DPF3: variants seen among roughly 807,000 people sequenced by gnomAD.
DPF3 encodes the protein double PHD fingers 3, also known as zinc finger protein DPF3.
A neutral mutation model predicts 56.8 loss-of-function variants in DPF3; 18 were observed. The observed-to-expected ratio is 0.32, with a 90% CI of 0.22 to 0.47. The LOEUF (loss-of-function observed/expected upper bound fraction) is 0.47. DPF3 is among the 20% of genes least tolerant of loss of function. DPF3 has a pLI of 1.00. For missense variants in DPF3, 403 were observed against 488.8 expected (o/e 0.82, Z 1.65); for synonymous variants, 188 against 180.2 (o/e 1.04, Z -0.35).
At chr14:72,756,893 G>GA (rs1167195941) in intron 2 of DPF3, among the ~76,000 whole-genome samples, 4 of 95,650 alleles carry the variant, frequency 4.2e-5, no homozygotes, top group African/African-American at 1.1e-4. Flanking sequence ...AGGAAAGAAA[G>GA]AAAGAAAAGA....
intron 6 of DPF3, among the ~76,000 whole-genome samples, chr14:72,698,068 C>A (rs1887985955): frequency 6.6e-6 from 1 of 152,224 alleles, no homozygotes; most frequent in Non-Finnish European, 1.5e-5. Flanking sequence ...AATCATCCCT[C>A]TGATCTCAGT....
At chr14:72,683,616 T>G (rs1887266249) in intron 7 of DPF3, among the ~76,000 whole-genome samples, 2 of 152,132 alleles carry the variant, frequency 1.3e-5, no homozygotes, top group South Asian at 4.1e-4. Context: ...CACACGTTAG[T>G]CAGTGGCTCA....
At chr14:72,837,432 T>G (rs1167161840) in intron 1 of DPF3, among the ~76,000 whole-genome samples, 2 of 152,036 alleles carry the variant, frequency 1.3e-5, no homozygotes, top group African/African-American at 4.8e-5. Context: ...GTCCCAGCCC[T>G]TAAAGAACTA....
chr14:72,679,019 C>T (rs1887037041), intron 7 of DPF3, among the ~76,000 whole-genome samples: 1 of 152,162 alleles, frequency 6.6e-6, no homozygotes, highest in South Asian at 2.1e-4. Context: ...TTCACACAGC[C>T]CCATCACCAC....
chr14:72,828,661 G>C (rs1000302260), intron 1 of DPF3, among the ~76,000 whole-genome samples: 2 of 152,110 alleles, frequency 1.3e-5, no homozygotes, highest in Non-Finnish European at 2.9e-5. Context: ...CAGACCATGG[G>C]GTGAGGAGCA....
chr14:72,856,922 G>A (rs1160820468), intron 1 of DPF3, among the ~76,000 whole-genome samples: 2 of 152,284 alleles, frequency 1.3e-5, no homozygotes, highest in South Asian at 2.1e-4. Flanking sequence ...GGAGTTCACC[G>A]GGAAGTGCCA....
In DPF3 at chr14:72,726,846, TA is replaced by T. The variant is rs372049397; in HGVS notation, c.430-3119del. On this transcript the variant is annotated intron_variant, in intron 4 of 10. Transcript: ENST00000556509. ...GATAACAGCGGTTTGTGGTTGTGTT[TA>T]AAAAAAAAAAATCCTTTTTAAAGAC... Among the ~76,000 whole-genome samples, 481 of 147,660 alleles carry T rather than the reference TA, an allele frequency of 3.3e-3. 2 individuals carry two copies. Among genetic ancestry groups the T allele is most frequent in the African/African-American group, 9.7e-3 (392 of 40,580 alleles).
chr14:72,814,925 A>C (rs1435749306), intron 1 of DPF3, among the ~76,000 whole-genome samples: 1 of 152,218 alleles, frequency 6.6e-6, no homozygotes, highest in Non-Finnish European at 1.5e-5. Context: ...GGTTAAGCAA[A>C]AATTTTCTTA....
intron 6 of DPF3, among the ~76,000 whole-genome samples, chr14:72,697,066 CAGT>C: frequency 3.3e-5 from 1 of 29,920 alleles, no homozygotes; most frequent in African/African-American, 1.7e-4. Context: ...CAGTTATTAG[CAGT>C]TATTAGCAGA....
intron 8 of DPF3, among the ~76,000 whole-genome samples, chr14:72,631,441 G>A (rs538700849): frequency 3.3e-5 from 5 of 152,318 alleles, no homozygotes; most frequent in African/African-American, 1.2e-4. Flanking sequence ...GTCTCTCAGA[G>A]AGAACACTGG....
At chr14:72,791,575 C>T (rs746466290) in intron 1 of DPF3, among the ~76,000 whole-genome samples, 3 of 152,176 alleles carry the variant, frequency 2.0e-5, no homozygotes, top group Admixed American at 6.5e-5. Flanking sequence ...TCCCCCTGTG[C>T]GGGGTGTTAA....
chr14:72,820,761 A>C (rs1174832592), intron 1 of DPF3, among the ~76,000 whole-genome samples: 2 of 152,072 alleles, frequency 1.3e-5, no homozygotes, highest in African/African-American at 4.8e-5. Context: ...TTGGGAGGTC[A>C]AGCTGGGAGG....
intron 3 of DPF3, among the ~76,000 whole-genome samples, chr14:72,743,234 G>A (rs1333250260): frequency 2.0e-5 from 3 of 152,184 alleles, no homozygotes; most frequent in African/African-American, 7.2e-5. Flanking sequence ...GGAGCAGAAG[G>A]GATCGACAAG....
intron 1 of DPF3, among the ~76,000 whole-genome samples, chr14:72,861,721 G>GAGAGAAAGAAAGAA (rs1384187829): frequency 2.8e-5 from 1 of 35,792 alleles, no homozygotes; most frequent in African/African-American, 1.5e-4. Flanking sequence ...AGAAGAAAGA[G>GAGAGAAAGAAAGAA]AGAGAAAGAA....
chr14:72,671,414 A>G, intron 8 of DPF3: 1 of 1,570,658 alleles, frequency 6.4e-7, no homozygotes, highest in Non-Finnish European at 8.8e-7. Context: ...TTACATTATT[A>G]CAATGCTATT....
intron 8 of DPF3, among the ~76,000 whole-genome samples, chr14:72,659,245 C>T (rs373834006): frequency 4.6e-5 from 7 of 152,232 alleles, no homozygotes; most frequent in East Asian, 3.8e-4. Context: ...CTGTCAGCAT[C>T]GGATTGGCAA....
chr14:72,714,605 G>C, intron 5 of DPF3, 104 bp from the exon 6 acceptor site: 1 of 1,321,830 alleles, frequency 7.6e-7, no homozygotes, highest in Admixed American at 2.0e-5. Flanking sequence ...CCCAACTTTT[G>C]TGCCAACACC....
intron 8 of DPF3, among the ~76,000 whole-genome samples, chr14:72,649,767 G>T (rs1172248072): frequency 6.6e-6 from 1 of 152,010 alleles, no homozygotes; most frequent in East Asian, 1.9e-4. Flanking sequence ...AAAACAATCT[G>T]TGACTCAGGT....
chr14:72,691,107 C>T (rs1285679389), intron 7 of DPF3, among the ~76,000 whole-genome samples: 1 of 152,174 alleles, frequency 6.6e-6, no homozygotes, highest in African/African-American at 2.4e-5. Context: ...TCCTCAGGCC[C>T]TGGCAAGGAG....
Sources: gnomAD v4.1 joint callset for allele counts (sites outside exome capture counted in the v4.1 genomes callset) on GRCh38, gnomAD v4.1.1 for gene constraint, MANE v1.5 for transcripts, NCBI Gene and HGNC (gene_info 2026-07-23, HGNC 2026-07-21) for gene names.